The following SYNE1 variants were observed in gnomAD, a reference collection of about 807,000 sequenced individuals.
SYNE1 encodes spectrin repeat containing nuclear envelope protein 1.
Under a neutral mutation model 1,111.0 loss-of-function variants are expected in SYNE1, and 616 were observed. The observed-to-expected ratio is 0.55, with a 90% confidence interval of 0.52 to 0.59. The LOEUF is 0.59. Ranked by LOEUF, SYNE1 falls within the 20% of genes least tolerant of loss-of-function variation. The pLI, the probability that SYNE1 is intolerant of heterozygous loss-of-function variation, is 0.00. For synonymous variants in SYNE1, 3,855 were observed against 3,825.8 expected (o/e 1.01, Z -0.28); for missense variants, 10,006 against 10,417.0 (o/e 0.96, Z 1.72).
At chr6:152,548,685 T>A (rs1182540517) in intron 3 of SYNE1, among the ~76,000 whole-genome samples, 1 of 152,154 alleles carries the variant, frequency 6.6e-6, no homozygotes, top group South Asian at 2.1e-4. Flanking sequence ...ATGAATGTAC[T>A]TTCCATGCAG....
At chr6:152,363,269 T>C (rs76173536) in intron 63 of SYNE1, among the ~76,000 whole-genome samples, 64,746 of 145,400 alleles carry the variant, frequency 0.45, 15,963 homozygotes, top group Non-Finnish European at 0.55. Context: ...CCAAGGCGGG[T>C]GGATCACGAG....
At chr6:152,377,830 C>T (rs1008987456) in intron 56 of SYNE1, among the ~76,000 whole-genome samples, 13 of 151,110 alleles carry the variant, frequency 8.6e-5, no homozygotes, top group Admixed American at 2.6e-4. Flanking sequence ...AAATGTTTAC[C>T]GTGTGCCAAG....
chr6:152,389,285 G>T (rs7755618), intron 53 of SYNE1, among the ~76,000 whole-genome samples: 9,680 of 152,120 alleles, frequency 0.064, 1,098 homozygotes, highest in African/African-American at 0.22. Context: ...TTGCTGCCCA[G>T]ATTTATTTCA....
chr6:152,213,014 C>A (rs1055636424), intron 123 of SYNE1, among the ~76,000 whole-genome samples: 5 of 152,110 alleles, frequency 3.3e-5, no homozygotes, highest in African/African-American at 1.2e-4. Flanking sequence ...CACAAACTGA[C>A]TTAGTTATAC....
At chr6:152,596,214 A>ATT (rs1365601554) in intron 3 of SYNE1, among the ~76,000 whole-genome samples, 1 of 142,278 alleles carries the variant, frequency 7.0e-6, no homozygotes, top group African/African-American at 2.6e-5. Context: ...ATTATGAGGT[A>ATT]TTTTTTGACC....
At chr6:152,637,148 G>A (rs1009131057) in intron 1 of SYNE1, 41 bp downstream of exon 1, 2 of 152,934 alleles carry the variant, frequency 1.3e-5, no homozygotes, top group Non-Finnish European at 2.9e-5. Flanking sequence ...GTGCCTGGAA[G>A]AGCTGGGGGC....
chr6:152,580,236 T>C (rs2099514924), intron 3 of SYNE1, among the ~76,000 whole-genome samples: 1 of 152,186 alleles, frequency 6.6e-6, no homozygotes, highest in South Asian at 2.1e-4. Context: ...CATCTCATCA[T>C]GGTTTTGATT....
chr6:152,233,718 T>C (rs1588377723), intron 112 of SYNE1, 63 bp downstream of exon 112: 6 of 1,594,810 alleles, frequency 3.8e-6, no homozygotes, highest in South Asian at 1.1e-5. Flanking sequence ...AGCAAATTAA[T>C]GTATTTCTCC....
chr6:152,344,324 G>A, intron 73 of SYNE1, 97 bp from the exon 74 acceptor site: 4 of 1,523,800 alleles, frequency 2.6e-6, no homozygotes, highest in Non-Finnish European at 3.6e-6. Context: ...CATCTAAATG[G>A]ATTTTCCCCC....
chr6:152,253,826 T>TGTTTG (rs1248304861), intron 104 of SYNE1, among the ~76,000 whole-genome samples: 26 of 57,248 alleles, frequency 4.5e-4, no homozygotes, highest in African/African-American at 3.6e-3. Flanking sequence ...TGGTTTTTTT[T>TGTTTG]TTTTTTTTTT....
intron 3 of SYNE1, among the ~76,000 whole-genome samples, chr6:152,541,522 G>A (rs1380527530): frequency 6.6e-6 from 1 of 152,064 alleles, no homozygotes; most frequent in Non-Finnish European, 1.5e-5. Context: ...GCCGAGGCAG[G>A]CAGATTACGA....
chr6:152,636,936 C>G (rs2099706816), intron 1 of SYNE1, 131 bp from the exon 2 acceptor site: 1 of 152,410 alleles, frequency 6.6e-6, no homozygotes, highest in African/African-American at 2.4e-5. Context: ...CCGCCCTCCG[C>G]GACCGGTTCC....
intron 32 of SYNE1, 68 bp from the exon 33 acceptor site, chr6:152,436,169 C>T: frequency 6.5e-7 from 1 of 1,537,486 alleles, no homozygotes; most frequent in Non-Finnish European, 8.9e-7. Context: ...AAATAAAGTG[C>T]ACATATTGCA....
chr6:152,190,995 T>G (rs147518419), intron 127 of SYNE1, among the ~76,000 whole-genome samples: 130 of 152,360 alleles, frequency 8.5e-4, no homozygotes, highest in African/African-American at 3.0e-3. Flanking sequence ...AAGGTTGAAT[T>G]TTATCAAATG....
At chr6:152,558,069 A>G (rs896319681) in intron 3 of SYNE1, among the ~76,000 whole-genome samples, 1 of 152,156 alleles carries the variant, frequency 6.6e-6, no homozygotes, top group African/African-American at 2.4e-5. Flanking sequence ...AAACATGGGG[A>G]GAGGAGAAGT....
rs563593822 is a variant in SYNE1, at chr6:152,269,321, C to T, written c.18574-35G>A. On this transcript the variant is annotated intron_variant, in intron 98 of 145. Coordinates refer to ENST00000367255, the MANE Select transcript of SYNE1 (RefSeq NM_182961.4). The stretch of plus-strand genomic sequence containing the variant: ...ACGAGGCAGAAATCAAGTCATGCTA[C>T]ACACCGGAAAACCTTAACCAAAGGG... 3 of 1,613,534 alleles carry T rather than the reference C, an allele frequency of 1.9e-6. No individual in the cohort carries two copies. The South Asian group carries it at 3.3e-5, about 18-fold the overall frequency.
At chr6:152,316,816 T>A in intron 87 of SYNE1, 33 bp downstream of exon 87, 1 of 1,613,494 alleles carries the variant, frequency 6.2e-7, no homozygotes, top group Non-Finnish European at 8.5e-7. Flanking sequence ...TTGCCCTTGG[T>A]TACTTTTTAA....
chr6:152,336,652 G>T, intron 76 of SYNE1, 189 bp downstream of exon 76: 2 of 741,348 alleles, frequency 2.7e-6, no homozygotes, highest in Non-Finnish European at 4.6e-6. Flanking sequence ...GTGCGGCCAG[G>T]TTCCTAACAG....
chr6:152,439,470 C>T (rs995291860), intron 32 of SYNE1, among the ~76,000 whole-genome samples: 2 of 152,148 alleles, frequency 1.3e-5, no homozygotes, highest in African/African-American at 2.4e-5. Context: ...CTCAAGCAAT[C>T]CTCCCATCTC....
Sources: allele counts gnomAD v4.1 joint callset (sites outside exome capture counted in the v4.1 genomes callset), GRCh38; gene constraint gnomAD v4.1.1; transcripts MANE v1.5; gene names NCBI Gene and HGNC (gene_info 2026-07-23, HGNC 2026-07-21).